The following KLF12 variants were observed in gnomAD, a reference collection of about 807,000 sequenced individuals.
KLF12 encodes the protein Krueppel-like factor 12.
Under a neutral mutation model 37.8 loss-of-function variants are expected in KLF12, and 9 were observed. That is an observed-to-expected ratio of 0.24 (90% CI 0.14 to 0.42). The LOEUF (loss-of-function observed/expected upper bound fraction) is 0.42, where lower values mean the gene tolerates loss of function less well. Among genes scored for constraint, KLF12 ranks in the 10% least tolerant of loss-of-function variants. The probability of loss-of-function intolerance (pLI) is 1.00; values close to 1 mark genes in which losing one functional copy is unlikely to be tolerated. For missense variants in KLF12, 411 were observed against 516.0 expected, an observed-to-expected ratio of 0.80 and a Z score of 1.97; for synonymous variants, 208 against 202.1, an observed-to-expected ratio of 1.03 and a Z score of -0.25.
intron 1 of KLF12, among the ~76,000 whole-genome samples, chr13:74,108,036 A>C (rs1468673234): frequency 6.6e-6 from 1 of 152,208 alleles, no homozygotes; most frequent in Non-Finnish European, 1.5e-5. Flanking sequence ...TGTACTATTA[A>C]GTCACATTAT....
chr13:74,202,554 G>T, the KLF12 span, among the ~76,000 whole-genome samples: 299 of 152,198 alleles, frequency 2.0e-3, 1 homozygote, highest in African/African-American at 6.9e-3. Context: ...ATACTTGTGT[G>T]CCAGATTAAC....
chr13:73,959,768 A>C (rs910038363), intron 2 of KLF12, among the ~76,000 whole-genome samples: 2 of 152,116 alleles, frequency 1.3e-5, no homozygotes, highest in African/African-American at 4.8e-5. Context: ...ATTATCAGGT[A>C]AATGCTGTAT....
the KLF12 span, among the ~76,000 whole-genome samples, chr13:74,142,544 C>T: frequency 1.3e-5 from 2 of 152,124 alleles, no homozygotes; most frequent in African/African-American, 4.8e-5. Flanking sequence ...TCTTCCATAC[C>T]CTCCCTTACA....
chr13:74,271,631 A>T, the KLF12 span, among the ~76,000 whole-genome samples: 1 of 152,230 alleles, frequency 6.6e-6, no homozygotes, highest in South Asian at 2.1e-4. Flanking sequence ...TTTCATATCC[A>T]GCTTTTTGCC....
the KLF12 span, among the ~76,000 whole-genome samples, chr13:74,272,340 C>A: frequency 6.6e-6 from 1 of 152,172 alleles, no homozygotes; most frequent in Admixed American, 6.5e-5. Flanking sequence ...GTGATAGTCA[C>A]TTTCTTGGAC....
At chr13:73,941,637 C>T (rs1439569189) in intron 3 of KLF12, among the ~76,000 whole-genome samples, 1 of 151,952 alleles carries the variant, frequency 6.6e-6, no homozygotes, top group East Asian at 1.9e-4. Context: ...AGCAAAGTGG[C>T]CAAAAATGAA....
intron 3 of KLF12, among the ~76,000 whole-genome samples, chr13:73,940,256 G>A (rs1392018920): frequency 1.3e-5 from 2 of 152,138 alleles, no homozygotes; most frequent in Non-Finnish European, 2.9e-5. Context: ...AGTCATTCAA[G>A]CACTCCTTGC....
At chr13:74,266,244 A>G in the KLF12 span, among the ~76,000 whole-genome samples, 4 of 152,280 alleles carry the variant, frequency 2.6e-5, no homozygotes, top group South Asian at 6.2e-4. Flanking sequence ...GACCTCTAAT[A>G]TCATTTAAAA....
intron 3 of KLF12, among the ~76,000 whole-genome samples, chr13:73,938,456 G>A (rs912630407): frequency 5.9e-5 from 9 of 152,162 alleles, no homozygotes; most frequent in East Asian, 1.9e-4. Context: ...TTTCAAAAAA[G>A]CACCCGTCTC....
chr13:74,002,863 G>A (rs191437984), intron 1 of KLF12, among the ~76,000 whole-genome samples: 4 of 152,222 alleles, frequency 2.6e-5, no homozygotes, highest in African/African-American at 7.2e-5. Context: ...GCAAAGAACT[G>A]AGAACATCAA....
Position 73,776,271 on chromosome 13 carries a change from C to T in KLF12, c.807-11271G>A, listed in dbSNP as rs1444385707. 3.9e-5 allele frequency among the ~76,000 whole-genome samples: 6 copies of T among 152,292 alleles called. No homozygotes were observed. The East Asian group carries it at 1.2e-3, about 29-fold the overall frequency. On this transcript the variant is annotated intron_variant, in intron 5 of 7. Transcript: ENST00000377669. ...GTACTGAATCACAGAGCGGTCTGAT[C>T]CGTAAACAGCTGTAGTAGCAGTTTC...
At chr13:74,108,209 TA>T (rs1428958602) in intron 1 of KLF12, among the ~76,000 whole-genome samples, 1 of 151,658 alleles carries the variant, frequency 6.6e-6, no homozygotes, top group Non-Finnish European at 1.5e-5. Flanking sequence ...GCAATAGCAA[TA>T]ATAATAATAA....
At chr13:74,278,392 A>G in the KLF12 span, among the ~76,000 whole-genome samples, 1 of 152,180 alleles carries the variant, frequency 6.6e-6, no homozygotes, top group Non-Finnish European at 1.5e-5. Flanking sequence ...CATCACCGAC[A>G]TGGCCCTCTC....
intron 2 of KLF12, among the ~76,000 whole-genome samples, chr13:73,958,718 A>C (rs4883961): frequency 0.73 from 111,078 of 151,938 alleles, 41,313 homozygotes; most frequent in East Asian, 0.89. Flanking sequence ...CCATGATCTT[A>C]CCTGTAGTTT....
At position 74,092,121 on chromosome 13, in the gene KLF12, C is replaced by G. The variant is rs150091356; in HGVS notation, c.-32+41618G>C. On this transcript the variant is annotated intron_variant, in intron 1 of 7. Transcript: ENST00000377669. ...TGGCTAACACGGTGAAACCCCGTCT[C>G]TACTAAAAATACCAAAAAAGAAAAA... is the stretch of plus-strand genomic sequence containing the variant. 4.4e-3 allele frequency among the ~76,000 whole-genome samples: 667 copies of G among 151,638 alleles called. 3 individuals are homozygous for G. The highest frequency in any genetic ancestry group is 0.015 in the African/African-American group (635 of 41,364).
intron 1 of KLF12, among the ~76,000 whole-genome samples, chr13:74,067,654 T>C (rs1174469144): frequency 6.6e-6 from 1 of 152,130 alleles, no homozygotes; most frequent in Non-Finnish European, 1.5e-5. Flanking sequence ...GCACTCACTC[T>C]ACTTGGTAGC....
At chr13:73,907,071 C>G (rs189880895) in intron 3 of KLF12, among the ~76,000 whole-genome samples, 1 of 152,310 alleles carries the variant, frequency 6.6e-6, no homozygotes, top group East Asian at 1.9e-4. Context: ...TTTTCCACTA[C>G]TTAATCCCTG....
the KLF12 span, among the ~76,000 whole-genome samples, chr13:74,225,053 T>C: frequency 6.6e-6 from 1 of 152,148 alleles, no homozygotes; most frequent in African/African-American, 2.4e-5. Flanking sequence ...TCTCCTTGAT[T>C]GCATACAAAT....
At chr13:74,031,862 G>GCTA (rs1893123340) in intron 1 of KLF12, among the ~76,000 whole-genome samples, 1 of 152,040 alleles carries the variant, frequency 6.6e-6, no homozygotes, top group African/African-American at 2.4e-5. Flanking sequence ...GATGCAATAG[G>GCTA]CTACTCTAAA....
Sources: gnomAD v4.1 joint callset for allele counts (sites outside exome capture counted in the v4.1 genomes callset) on GRCh38, gnomAD v4.1.1 for gene constraint, MANE v1.5 for transcripts, NCBI Gene and HGNC (gene_info 2026-07-23, HGNC 2026-07-21) for gene names.